IGF1R: variants seen among roughly 807,000 people sequenced by gnomAD.
IGF1R encodes the protein insulin-like growth factor 1 receptor.
In IGF1R, 44 loss-of-function variants were observed where a neutral mutation model predicts 144.6. The observed-to-expected ratio is 0.30, with a 90% CI of 0.24 to 0.39. The LOEUF is 0.39. Among genes scored for constraint, IGF1R ranks in the 10% least tolerant of loss-of-function variants. The pLI, the probability that IGF1R is intolerant of heterozygous loss-of-function variation, is 1.00. For missense variants in IGF1R, 1,355 were observed against 1,833.7 expected, an observed-to-expected ratio of 0.74 and a Z score of 4.77; for synonymous variants, 795 against 722.8, an observed-to-expected ratio of 1.10 and a Z score of -1.60.
In IGF1R at chr15:98,920,527, G is replaced by A. The variant is rs75734182; in HGVS notation, c.2202-1621G>A. ...GTATGTTGTGTTGGTTTTGAAGGTA[G>A]GCAGGAAATTTGTTGATGATGTGTT... On this transcript the variant is annotated intron_variant, in intron 10 of 20. Coordinates refer to ENST00000650285, the MANE Select transcript of IGF1R (RefSeq NM_000875.5). Among the ~76,000 whole-genome samples, 1,464 of 152,310 alleles carry A rather than the reference G, an allele frequency of 9.6e-3. 33 individuals carry two copies. The highest frequency in any genetic ancestry group is 0.033 in the African/African-American group (1,391 of 41,552).
In IGF1R at chr15:98,906,122, G is replaced by A. The variant is rs1046820408; in HGVS notation, c.1248-2563G>A. Among the ~76,000 whole-genome samples, 4 of 147,148 alleles carry A rather than the reference G, an allele frequency of 2.7e-5. No individual in the cohort carries two copies. In the East Asian group the frequency reaches 7.7e-4, roughly 28 times the overall value. Reference sequence around the variant, plus strand: ...AAAAGATAATCTTGCTTTTCAAAGTGATTAGTCAAATACACAGAATTTCAG... The same window carrying A: ...AAAAGATAATCTTGCTTTTCAAAGTAATTAGTCAAATACACAGAATTTCAG... On this transcript the variant is annotated intron_variant, in intron 5 of 20. Coordinates refer to ENST00000650285, the MANE Select transcript of IGF1R (RefSeq NM_000875.5).
intron 2 of IGF1R, among the ~76,000 whole-genome samples, chr15:98,754,121 A>G (rs941993818): frequency 2.0e-5 from 3 of 152,174 alleles, no homozygotes; most frequent in South Asian, 2.1e-4. Flanking sequence ...GTTATTAATA[A>G]TAGCTTACAG....
intron 17 of IGF1R, among the ~76,000 whole-genome samples, chr15:98,936,576 C>A (rs1443333213): frequency 6.6e-6 from 1 of 151,686 alleles, no homozygotes; most frequent in East Asian, 1.9e-4. Flanking sequence ...CTTCTCGGCC[C>A]CTTTGGAAAT....
intron 2 of IGF1R, among the ~76,000 whole-genome samples, chr15:98,710,919 C>T (rs1251778257): frequency 6.6e-6 from 1 of 152,194 alleles, no homozygotes; most frequent in Non-Finnish European, 1.5e-5. Flanking sequence ...ATCCGCCCGC[C>T]TCAGCCTCCC....
At chr15:98,769,438 T>C (rs1392188284) in intron 2 of IGF1R, among the ~76,000 whole-genome samples, 1 of 152,220 alleles carries the variant, frequency 6.6e-6, no homozygotes, top group Admixed American at 6.5e-5. Flanking sequence ...TAAAGCTGTA[T>C]GCATCAGCTG....
chr15:98,827,876 C>T (rs186482237), intron 2 of IGF1R, among the ~76,000 whole-genome samples: 2 of 152,144 alleles, frequency 1.3e-5, no homozygotes, highest in South Asian at 2.1e-4. Flanking sequence ...CCACCGCGCC[C>T]GGCCTAAGAT....
intron 4 of IGF1R, among the ~76,000 whole-genome samples, 184 bp downstream of exon 4, chr15:98,897,089 G>A (rs2014237762): frequency 6.6e-6 from 1 of 152,138 alleles, no homozygotes; most frequent in Non-Finnish European, 1.5e-5. Flanking sequence ...AGATTGAAAG[G>A]CAATCTGTCT....
chr15:98,659,473 C>T (rs887779652), intron 1 of IGF1R, among the ~76,000 whole-genome samples: 3 of 152,136 alleles, frequency 2.0e-5, no homozygotes, highest in Admixed American at 1.3e-4. Context: ...AGGAAGATAG[C>T]GATCCCAACC....
chr15:98,797,466 G>A (rs539272182), intron 2 of IGF1R, among the ~76,000 whole-genome samples: 2 of 152,196 alleles, frequency 1.3e-5, no homozygotes. Context: ...ACTTCAAATT[G>A]TTTTTCTTTG....
chr15:98,826,902 CTG>C (rs1223784643), intron 2 of IGF1R, among the ~76,000 whole-genome samples: 1 of 152,224 alleles, frequency 6.6e-6, no homozygotes, highest in Non-Finnish European at 1.5e-5. Context: ...AGTTTGCTCT[CTG>C]TGACGTGTGA....
intron 2 of IGF1R, among the ~76,000 whole-genome samples, chr15:98,821,420 A>G (rs2056800467): frequency 6.6e-6 from 1 of 152,174 alleles, no homozygotes; most frequent in African/African-American, 2.4e-5. Context: ...TAGACCGTGA[A>G]TTTAGAAGAG....
intron 1 of IGF1R, among the ~76,000 whole-genome samples, chr15:98,654,312 G>T (rs1336640176): frequency 6.6e-6 from 1 of 152,160 alleles, no homozygotes; most frequent in African/African-American, 2.4e-5. Flanking sequence ...TTTACAAACT[G>T]CAGTGTTGTA....
rs896402399 is a variant in IGF1R, at chr15:98,753,243, T to A, written c.640+45136T>A. Among the ~76,000 whole-genome samples the A allele has an allele frequency of 2.1e-3, 317 of 148,454 alleles. 3 individuals carry two copies. The highest frequency in any genetic ancestry group is 6.2e-3 in the African/African-American group (246 of 39,684). The stretch of plus-strand genomic sequence containing the variant: ...ATTACGTCCAGCCTTTTTTTTTTTT[T>A]AAATAAAGAGGGTCTCAGGCTGGCG... On this transcript the variant is annotated intron_variant, in intron 2 of 20. Coordinates refer to ENST00000650285, the MANE Select transcript of IGF1R (RefSeq NM_000875.5).
chr15:98,754,048 T>C (rs2067673), intron 2 of IGF1R, among the ~76,000 whole-genome samples: 6 of 152,236 alleles, frequency 3.9e-5, no homozygotes, highest in Admixed American at 6.5e-5. Context: ...AAAATTTAAA[T>C]GTATATTTAA....
intron 10 of IGF1R, among the ~76,000 whole-genome samples, chr15:98,921,926 G>T (rs776432032): frequency 1.3e-5 from 2 of 152,134 alleles, no homozygotes; most frequent in Non-Finnish European, 2.9e-5. Flanking sequence ...GAGAGCCGGG[G>T]GGTGGGGGTG....
chr15:98,685,374 G>C (rs942865154), intron 1 of IGF1R, among the ~76,000 whole-genome samples: 2 of 152,174 alleles, frequency 1.3e-5, no homozygotes, highest in Non-Finnish European at 2.9e-5. Flanking sequence ...ATGCTTACAT[G>C]CTTTGTGTGG....
intron 2 of IGF1R, among the ~76,000 whole-genome samples, chr15:98,720,695 A>T (rs1024795988): frequency 6.6e-6 from 1 of 152,246 alleles, no homozygotes; most frequent in South Asian, 2.1e-4. Context: ...AAATTCAGGT[A>T]GGATTGATGT....
In IGF1R at chr15:98,767,035, T is replaced by G. The variant is rs541824862; in HGVS notation, c.640+58928T>G. On this transcript the variant is annotated intron_variant, in intron 2 of 20. Transcript: ENST00000650285. ...CCTTCCTTTCCGCCCGTTAATTGCC[T>G]ACTCGCCCAGTGGTACCTTCTGAAC... Among the ~76,000 whole-genome samples, 10 of 152,306 alleles carry G rather than the reference T, an allele frequency of 6.6e-5. No homozygotes were observed. The South Asian group carries it at 2.1e-3, about 32-fold the overall frequency.
intron 1 of IGF1R, among the ~76,000 whole-genome samples, chr15:98,703,993 C>T (rs1300249246): frequency 1.3e-5 from 2 of 152,180 alleles, no homozygotes; most frequent in African/African-American, 4.8e-5. Context: ...AAATTCCACA[C>T]CTGACCTCAT....
Sources: gnomAD v4.1 joint callset for allele counts (sites outside exome capture counted in the v4.1 genomes callset) on GRCh38, gnomAD v4.1.1 for gene constraint, MANE v1.5 for transcripts, NCBI Gene and HGNC (gene_info 2026-07-23, HGNC 2026-07-21) for gene names.